DLG2: variants seen among roughly 807,000 people sequenced by gnomAD.
DLG2 encodes disks large homolog 2.
Under a neutral mutation model 132.5 loss-of-function variants are expected in DLG2, and 45 were observed. The ratio of observed to expected loss-of-function variants is 0.34; its 90% CI spans 0.27 to 0.44. DLG2 has a LOEUF of 0.44. Ranked by LOEUF, DLG2 falls within the 20% of genes least tolerant of loss-of-function variation. DLG2 has a pLI of 1.00. For synonymous variants in DLG2, 424 were observed against 419.6 expected, an observed-to-expected ratio of 1.01 and a Z score of -0.13; for missense variants, 1,045 against 1,196.9, an observed-to-expected ratio of 0.87 and a Z score of 1.87.
intron 7 of DLG2, among the ~76,000 whole-genome samples, chr11:84,396,101 T>C (rs569682366): frequency 6.6e-6 from 1 of 152,238 alleles, no homozygotes; most frequent in South Asian, 2.1e-4. Context: ...GCCACTGACA[T>C]TCTACTATGT....
intron 6 of DLG2, among the ~76,000 whole-genome samples, chr11:84,986,908 C>A (rs532583955): frequency 6.6e-6 from 1 of 152,220 alleles, no homozygotes; most frequent in South Asian, 2.1e-4. Context: ...GAAGTCCTAG[C>A]CAGAGCAATC....
chr11:84,833,138 T>C (rs866709518), intron 6 of DLG2, among the ~76,000 whole-genome samples: 3 of 151,710 alleles, frequency 2.0e-5, no homozygotes, highest in African/African-American at 7.2e-5. Context: ...CTCTATTTAG[T>C]GAAATCTAAA....
chr11:84,034,696 T>C (rs1447834580), intron 11 of DLG2, among the ~76,000 whole-genome samples: 1 of 152,102 alleles, frequency 6.6e-6, no homozygotes, highest in Non-Finnish European at 1.5e-5. Flanking sequence ...ACTATATCCA[T>C]CATCTGATAG....
intron 4 of DLG2, among the ~76,000 whole-genome samples, chr11:85,163,212 CACACACACACAG>C (rs1302770241): frequency 6.7e-6 from 1 of 149,948 alleles, no homozygotes; most frequent in African/African-American, 2.5e-5. Flanking sequence ...ATATTACACA[CACACACACACAG>C]ACACACACAC....
At chr11:84,523,120 T>C (rs1056168104) in intron 7 of DLG2, among the ~76,000 whole-genome samples, 3 of 152,182 alleles carry the variant, frequency 2.0e-5, no homozygotes, top group Non-Finnish European at 4.4e-5. Context: ...TTCCAATCAT[T>C]ACTGAGAGCT....
chr11:84,281,809 G>T (rs572526474), intron 7 of DLG2, among the ~76,000 whole-genome samples: 2 of 152,096 alleles, frequency 1.3e-5, no homozygotes, highest in Admixed American at 1.3e-4. Flanking sequence ...TAAAACCCCA[G>T]TAAGATACTA....
intron 6 of DLG2, among the ~76,000 whole-genome samples, chr11:84,702,599 A>T (rs1213783916): frequency 6.6e-6 from 1 of 151,636 alleles, no homozygotes; most frequent in Non-Finnish European, 1.5e-5. Flanking sequence ...GTCTCAAAGC[A>T]CTTCTCACTC....
intron 2 of DLG2, among the ~76,000 whole-genome samples, chr11:85,604,585 C>T (rs2080395256): frequency 6.6e-6 from 1 of 151,908 alleles, no homozygotes; most frequent in Non-Finnish European, 1.5e-5. Context: ...CTCAATTCTC[C>T]TGTTTTCTTC....
chr11:83,480,471 G>C, intron 22 of DLG2: 2 of 1,508,516 alleles, frequency 1.3e-6, no homozygotes, highest in Non-Finnish European at 1.8e-6. Flanking sequence ...CAGCCAGAAC[G>C]GAAAGGAATA....
chr11:84,426,960 A>G (rs2098968640), intron 7 of DLG2, among the ~76,000 whole-genome samples: 1 of 152,168 alleles, frequency 6.6e-6, no homozygotes, highest in South Asian at 2.1e-4. Context: ...ATAAAAACCT[A>G]GAACTCTCTC....
chr11:84,574,672 GAA>G (rs2099494806), intron 6 of DLG2, among the ~76,000 whole-genome samples: 2 of 152,258 alleles, frequency 1.3e-5, no homozygotes, highest in Middle Eastern at 3.4e-3. Flanking sequence ...CTATCACAGT[GAA>G]AGTTTCAGAG....
At chr11:83,521,076 C>G (rs971252409) in intron 21 of DLG2, among the ~76,000 whole-genome samples, 2 of 152,202 alleles carry the variant, frequency 1.3e-5, no homozygotes, top group African/African-American at 4.8e-5. Flanking sequence ...GGCCCTAGAA[C>G]AGTGCTGAAC....
At chr11:84,441,132 AATT>A (rs57445306) in intron 7 of DLG2, among the ~76,000 whole-genome samples, 16 of 148,562 alleles carry the variant, frequency 1.1e-4, no homozygotes, top group East Asian at 3.9e-4. Context: ...GATGTTAGTA[AATT>A]ATTATTATTA....
At chr11:84,406,584 C>T (rs534425722) in intron 7 of DLG2, among the ~76,000 whole-genome samples, 48 of 152,332 alleles carry the variant, frequency 3.2e-4, no homozygotes, top group African/African-American at 1.1e-3. Context: ...AAGGAATCCA[C>T]TCACCTTGGC....
At chr11:83,879,768 G>C (rs1383642588) in intron 15 of DLG2, among the ~76,000 whole-genome samples, 2 of 152,238 alleles carry the variant, frequency 1.3e-5, no homozygotes, top group South Asian at 2.1e-4. Context: ...GATTGTGTTA[G>C]GTGCTTGGGA....
At chr11:85,583,088 ATGTGTGTG>A (rs3068389) in intron 3 of DLG2, among the ~76,000 whole-genome samples, 90 of 29,820 alleles carry the variant, frequency 3.0e-3, no homozygotes, top group Admixed American at 5.6e-3. Flanking sequence ...AATATATGTG[ATGTGTGTG>A]TGTGTGTGTG....
At chr11:84,603,043 A>G (rs957306813) in intron 6 of DLG2, among the ~76,000 whole-genome samples, 9 of 152,028 alleles carry the variant, frequency 5.9e-5, no homozygotes, top group African/African-American at 1.9e-4. Flanking sequence ...AGAATAAAAT[A>G]CTGAAAAATG....
chr11:85,099,529 TAA>T (rs2070494524), intron 6 of DLG2, among the ~76,000 whole-genome samples: 1 of 152,180 alleles, frequency 6.6e-6, no homozygotes, highest in Non-Finnish European at 1.5e-5. Flanking sequence ...TAATTATTAC[TAA>T]GAGTATACTC....
intron 5 of DLG2, chr11:85,133,021 G>C: frequency 2.9e-6 from 1 of 344,682 alleles, no homozygotes; most frequent in South Asian, 2.3e-5. Context: ...AATCAGCTCC[G>C]GCAAAACTTC....
Sources: gnomAD v4.1 joint callset for allele counts (sites outside exome capture counted in the v4.1 genomes callset) on GRCh38, gnomAD v4.1.1 for gene constraint, MANE v1.5 for transcripts, NCBI Gene and HGNC (gene_info 2026-07-23, HGNC 2026-07-21) for gene names.